HNF1B: variants seen among roughly 807,000 people sequenced by gnomAD.
The protein encoded by HNF1B is hepatocyte nuclear factor 1-beta.
In HNF1B, 8 loss-of-function variants were observed where a neutral mutation model predicts 61.7. The ratio of observed to expected loss-of-function variants is 0.13; its 90% CI spans 0.08 to 0.23. The LOEUF (loss-of-function observed/expected upper bound fraction) is 0.23. HNF1B is among the 10% of genes least tolerant of loss of function. The probability of loss-of-function intolerance (pLI) is 1.00; values close to 1 mark genes in which losing one functional copy is unlikely to be tolerated. For synonymous variants in HNF1B, 314 were observed against 287.7 expected (o/e 1.09, Z -0.93); for missense variants, 562 against 714.5 (o/e 0.79, Z 2.43).
intron 1 of HNF1B, among the ~76,000 whole-genome samples, chr17:37,744,122 C>G (rs572334412): frequency 7.8e-4 from 119 of 152,334 alleles, no homozygotes; most frequent in African/African-American, 2.6e-3. Context: ...TTTCCAGACC[C>G]GAGGCAGGGC....
intron 1 of HNF1B, among the ~76,000 whole-genome samples, chr17:37,741,406 A>G (rs1396749359): frequency 2.0e-5 from 3 of 152,210 alleles, no homozygotes; most frequent in Non-Finnish European, 4.4e-5. Flanking sequence ...TTTCTCAAGT[A>G]TTTACAAAGG....
At chr17:37,741,968 G>A (rs989115784) in intron 1 of HNF1B, among the ~76,000 whole-genome samples, 4 of 152,226 alleles carry the variant, frequency 2.6e-5, no homozygotes, top group African/African-American at 7.2e-5. Flanking sequence ...TGTGTTCACC[G>A]GGAAGAGCCG....
intron 8 of HNF1B, among the ~76,000 whole-genome samples, chr17:37,696,331 G>A (rs901391780): frequency 2.0e-5 from 3 of 152,190 alleles, no homozygotes; most frequent in Non-Finnish European, 4.4e-5. Context: ...CAGCTACTCT[G>A]GAGGCTGAGG....
At chr17:37,716,476 G>C (rs1026446101) in intron 4 of HNF1B, among the ~76,000 whole-genome samples, 1 of 152,180 alleles carries the variant, frequency 6.6e-6, no homozygotes, top group Admixed American at 6.5e-5. Flanking sequence ...TGGGATTGAA[G>C]GCATGAGCCA....
At chr17:37,708,912 C>T (rs1010386083) in intron 5 of HNF1B, among the ~76,000 whole-genome samples, 3 of 152,272 alleles carry the variant, frequency 2.0e-5, no homozygotes, top group Admixed American at 2.0e-4. Flanking sequence ...CTCCAGGGAG[C>T]CAGGGACTCG....
At position 37,687,112 on chromosome 17, in the gene HNF1B, C is replaced by G; in HGVS notation, c.*260G>C. ...TTCCTCTTCGGAGGTTCCTTGTCTCCCACCTCCAGGACAGACAGGAGTCCT... is the reference window on the plus strand; with the variant it reads ...TTCCTCTTCGGAGGTTCCTTGTCTCGCACCTCCAGGACAGACAGGAGTCCT... On this transcript the variant is annotated 3_prime_UTR_variant, in exon 9 of 9. Coordinates refer to ENST00000617811, the MANE Select transcript of HNF1B (RefSeq NM_000458.4). The G allele has an allele frequency of 1.6e-6, 1 of 625,856 alleles. No homozygotes were observed. The highest frequency in any genetic ancestry group is 2.7e-5 in the East Asian group (1 of 36,560). The allele number at this position is 625,856 out of a possible 1,614,324, so 38.8% of individuals were successfully genotyped here.
intron 4 of HNF1B, among the ~76,000 whole-genome samples, chr17:37,716,200 A>G (rs867386574): frequency 6.6e-6 from 1 of 152,128 alleles, no homozygotes; most frequent in African/African-American, 2.4e-5. Context: ...TGTGCTTTTT[A>G]AAAAAGTTTA....
chr17:37,743,141 G>T (rs570430766), intron 1 of HNF1B, among the ~76,000 whole-genome samples: 1 of 152,328 alleles, frequency 6.6e-6, no homozygotes, highest in South Asian at 2.1e-4. Flanking sequence ...GCGCTAGAAA[G>T]CGGGCGCCTG....
At position 37,733,808 on chromosome 17, in the gene HNF1B, T is replaced by C. The variant is rs2033758880; in HGVS notation, c.558A>G (p.Thr186=). 1 of 1,614,212 alleles carries C rather than the reference T, an allele frequency of 6.2e-7. No homozygotes were observed. The highest frequency in any genetic ancestry group is 8.5e-7 in the Non-Finnish European group (1 of 1,180,014). ...CTGTCATATTTCCAGAACTCTGGAC[T>C]GTCTGGTTGAATTCTGAAAAGAGAA... ...QREILRQFNQ[T]VQSSGNMTDK... Residue 186 remains threonine (T), a synonymous_variant, in exon 3 of 9, where the codon ACA becomes ACG. Transcript: ENST00000617811.
At chr17:37,733,969 A>G in intron 2 of HNF1B, 148 bp from the exon 3 acceptor site, 1 of 959,690 alleles carries the variant, frequency 1.0e-6, no homozygotes, top group Non-Finnish European at 1.6e-6. Context: ...GTGGAGCTGG[A>G]GATGGGGAGC....
At chr17:37,702,768 C>A (rs56671492) in intron 6 of HNF1B, among the ~76,000 whole-genome samples, 1,547 of 152,270 alleles carry the variant, frequency 0.01, 22 homozygotes, top group African/African-American at 0.035. Flanking sequence ...TGGGCCCCAC[C>A]CAAGACCTAA....
chr17:37,714,424 G>A (rs918205844), intron 4 of HNF1B, among the ~76,000 whole-genome samples: 1 of 152,198 alleles, frequency 6.6e-6, no homozygotes, highest in Non-Finnish European at 1.5e-5. Context: ...GTTTAATATT[G>A]ATTAACCAAA....
chr17:37,697,440 G>A (rs898219870), intron 8 of HNF1B, among the ~76,000 whole-genome samples: 2 of 152,272 alleles, frequency 1.3e-5, no homozygotes, highest in African/African-American at 2.4e-5. Flanking sequence ...CTGGTGCAGC[G>A]TCTCAGGGAG....
At chr17:37,710,686 T>C (rs769431872) in intron 4 of HNF1B, 23 bp from the exon 5 acceptor site, 6 of 1,607,088 alleles carry the variant, frequency 3.7e-6, no homozygotes, top group South Asian at 2.2e-5. Flanking sequence ...ACAAACCCAG[T>C]AGGGAACATT....
At chr17:37,700,663 G>A (rs1451441171) in intron 7 of HNF1B, among the ~76,000 whole-genome samples, 2 of 152,154 alleles carry the variant, frequency 1.3e-5, no homozygotes, top group East Asian at 1.9e-4. Context: ...TTATGGACGC[G>A]ATCTTTTCCA....
At chr17:37,740,333 G>C (rs1190410064) in intron 1 of HNF1B, among the ~76,000 whole-genome samples, 2 of 152,154 alleles carry the variant, frequency 1.3e-5, no homozygotes, top group Non-Finnish European at 2.9e-5. Context: ...AGGCCCACTG[G>C]AAAGTGGGGA....
intron 2 of HNF1B, among the ~76,000 whole-genome samples, chr17:37,737,521 C>T (rs1239509079): frequency 1.3e-5 from 2 of 152,098 alleles, no homozygotes; most frequent in African/African-American, 2.4e-5. Flanking sequence ...TTTTATGTCT[C>T]GTGTGACTTT....
At chr17:37,728,731 C>G (rs754459586) in intron 4 of HNF1B, 1 of 152,620 alleles carries the variant, frequency 6.6e-6, no homozygotes, top group African/African-American at 2.4e-5. Flanking sequence ...AGAAGCCACC[C>G]CTGAATGCTG....
Position 37,731,056 on chromosome 17 carries a change from C to T in HNF1B, c.1045+539G>A, listed in dbSNP as rs2033664833. The stretch of plus-strand genomic sequence containing the variant: ...TGCTGCAAAGATTTCAAGTGACTGA[C>T]CCCCACCAACCCTGATGACACACGG... On this transcript the variant is annotated intron_variant, in intron 4 of 8. Transcript: ENST00000617811. 4 of 182,156 alleles carry T rather than the reference C, an allele frequency of 2.2e-5. No individual in the cohort carries two copies. The South Asian group carries it at 4.9e-4, about 22-fold the overall frequency. 11.3% of individuals were successfully genotyped at this position (182,156 alleles called of 1,614,324 possible).
Sources: gnomAD v4.1 joint callset for allele counts (sites outside exome capture counted in the v4.1 genomes callset) on GRCh38, gnomAD v4.1.1 for gene constraint, MANE v1.5 for transcripts, NCBI Gene and HGNC (gene_info 2026-07-23, HGNC 2026-07-21) for gene names.